FNTB: variants seen among roughly 807,000 people sequenced by gnomAD.
FNTB encodes farnesyltransferase, CAAX box, subunit beta.
A neutral mutation model predicts 59.4 loss-of-function variants in FNTB; 27 were observed. The observed-to-expected ratio is 0.45, with a 90% CI of 0.34 to 0.63. FNTB has a LOEUF of 0.63. Ranked by LOEUF, FNTB falls within the 20% of genes least tolerant of loss-of-function variation. The probability of loss-of-function intolerance (pLI) is 0.02; values close to 1 mark genes in which losing one functional copy is unlikely to be tolerated. For missense variants in FNTB, 449 were observed against 559.6 expected (o/e 0.80, Z 1.99); for synonymous variants, 230 against 220.7 (o/e 1.04, Z -0.37).
intron 11 of FNTB, among the ~76,000 whole-genome samples, chr14:65,058,325 C>A (rs2062788609): frequency 6.9e-6 from 1 of 145,302 alleles, no homozygotes; most frequent in East Asian, 2.0e-4. Context: ...GGAATCTTTT[C>A]TTATTTTCAG....
At chr14:65,061,078 C>A (rs2062856519) in intron 11 of FNTB, 103 bp from the exon 12 acceptor site, 1 of 1,533,426 alleles carries the variant, frequency 6.5e-7, no homozygotes, top group Non-Finnish European at 8.8e-7. Flanking sequence ...ATCTCTGATT[C>A]CTTATACTAA....
At chr14:65,040,498 T>G (rs948216941) in intron 7 of FNTB, among the ~76,000 whole-genome samples, 3 of 151,840 alleles carry the variant, frequency 2.0e-5, no homozygotes, top group African/African-American at 7.3e-5. Flanking sequence ...TGGAGCACAA[T>G]GGTGTGATCA....
chr14:65,035,501 TCTTC>T (rs1472829695), intron 7 of FNTB, among the ~76,000 whole-genome samples: 4 of 152,136 alleles, frequency 2.6e-5, no homozygotes, highest in Non-Finnish European at 5.9e-5. Flanking sequence ...TTTCCTCTTC[TCTTC>T]CTTCTTTCTT....
intron 2 of FNTB, among the ~76,000 whole-genome samples, chr14:65,010,923 T>C (rs890533160): frequency 1.3e-5 from 2 of 152,180 alleles, no homozygotes; most frequent in Admixed American, 1.3e-4. Context: ...TGAATTAAAA[T>C]TGAATTAAAA....
At chr14:65,048,516 A>C (rs763071568) in intron 9 of FNTB, among the ~76,000 whole-genome samples, 1 of 152,172 alleles carries the variant, frequency 6.6e-6, no homozygotes, top group African/African-American at 2.4e-5. Flanking sequence ...ACTACCTTCT[A>C]TGTGTAAATG....
chr14:65,038,649 C>T (rs1388077214), intron 7 of FNTB, among the ~76,000 whole-genome samples: 4 of 152,132 alleles, frequency 2.6e-5, no homozygotes, highest in South Asian at 2.1e-4. Context: ...ACCCAGGAGG[C>T]GGAGGTTGCA....
intron 7 of FNTB, among the ~76,000 whole-genome samples, chr14:65,038,676 C>T (rs2062271768): frequency 6.6e-6 from 1 of 152,146 alleles, no homozygotes. Flanking sequence ...CAAGATTGTG[C>T]CACTGTACTC....
rs950073403 is a variant in FNTB, at chr14:65,011,938, A to G, written c.210-379A>G. ...AGGGAAGTGGCGAGGCTCAGATTTA[A>G]ATTGCTTATAGGATGGGGAGGCACA... On this transcript the variant is annotated intron_variant, in intron 2 of 11. Transcript: ENST00000246166. The surrounding 1 kb of genome is among the most constrained non-coding windows in gnomAD (Gnocchi z 4.0). Among the ~76,000 whole-genome samples the G allele has an allele frequency of 6.6e-6, 1 of 152,124 alleles. No homozygotes were observed. The highest frequency in any genetic ancestry group is 2.4e-5 in the African/African-American group (1 of 41,410).
At chr14:65,053,379 G>A (rs185679172) in intron 10 of FNTB, 30 bp downstream of exon 10, 8 of 1,382,946 alleles carry the variant, frequency 5.8e-6, no homozygotes, top group African/African-American at 3.0e-5. Context: ...GGAGGGAAGG[G>A]AGAGGGGAGG....
rs186840682 is a variant in FNTB at position 65,030,861 on chromosome 14, G to A, written c.606-1749G>A. On this transcript the variant is annotated intron_variant, in intron 6 of 11. Transcript: ENST00000246166. This position sits in a 1 kb window ranked among gnomAD's most constrained non-coding sequence, Gnocchi z 4.5. ...TTCTTTCTGTTGCCCAGGCAGGAGC[G>A]CAGTGGTGGGATCTTGGCTCACTGC... 1.3e-4 allele frequency among the ~76,000 whole-genome samples: 20 copies of A among 152,222 alleles called. No homozygotes were observed. In the East Asian group the frequency reaches 3.3e-3, roughly 25 times the overall value.
In FNTB at chr14:65,015,741, G is replaced by T. The variant is rs535762781; in HGVS notation, c.374+25G>T. 1.9e-6 allele frequency: 3 copies of T among 1,606,666 alleles called. No individual in the cohort carries two copies. The African/African-American group carries it at 4.0e-5, about 21-fold the overall frequency. On this transcript the variant is annotated intron_variant, in intron 4 of 11. Transcript: ENST00000246166. ...AGTGAGTCTGTCTTTGGGAAATCTG[G>T]GGTGTTCTCTGAAATTGTATTTTGA...
chr14:64,996,644 A>G (rs1027014070), intron 1 of FNTB, among the ~76,000 whole-genome samples: 2 of 152,188 alleles, frequency 1.3e-5, no homozygotes, highest in African/African-American at 4.8e-5. Context: ...ATGAGGTATC[A>G]CAAAACTAAG....
chr14:65,032,537 C>A lies in FNTB; in HGVS notation c.606-73C>A. 6.4e-7 allele frequency: 1 copy of A among 1,551,438 alleles called. No homozygotes were observed. Among genetic ancestry groups the A allele is most frequent in the Non-Finnish European group, 8.7e-7 (1 of 1,144,438 alleles). ...AGCTTACTAGGCAAGGCGAGCAGTCCGCCCGCGGAGTTCACTGAGCCTCAT... is the reference window on the plus strand; with the variant it reads ...AGCTTACTAGGCAAGGCGAGCAGTCAGCCCGCGGAGTTCACTGAGCCTCAT... On this transcript the variant is annotated intron_variant, in intron 6 of 11. Transcript: ENST00000246166. This position sits in a 1 kb window ranked among gnomAD's most constrained non-coding sequence, Gnocchi z 5.0.
At chr14:65,000,015 C>T (rs763859566) in intron 1 of FNTB, among the ~76,000 whole-genome samples, 5 of 152,172 alleles carry the variant, frequency 3.3e-5, no homozygotes, top group South Asian at 4.1e-4. Context: ...GCTGCTTTCC[C>T]GCAAGAAAGC....
intron 9 of FNTB, among the ~76,000 whole-genome samples, chr14:65,045,220 C>T (rs2062448869): frequency 6.6e-6 from 1 of 152,034 alleles, no homozygotes; most frequent in African/African-American, 2.4e-5. Flanking sequence ...TCTGAGTAGA[C>T]CTGTGGGAGA....
intron 4 of FNTB, among the ~76,000 whole-genome samples, chr14:65,026,961 T>G (rs1250569158): frequency 6.6e-6 from 1 of 152,072 alleles, no homozygotes; most frequent in African/African-American, 2.4e-5. Context: ...AAGACCTCTA[T>G]TTACATGTTC....
At chr14:65,020,171 A>G (rs1241500890) in intron 4 of FNTB, among the ~76,000 whole-genome samples, 1 of 152,184 alleles carries the variant, frequency 6.6e-6, no homozygotes, top group African/African-American at 2.4e-5. Context: ...CCTCTAGTGG[A>G]CAAAATACTT....
intron 1 of FNTB, among the ~76,000 whole-genome samples, chr14:64,999,386 C>G (rs1189560309): frequency 6.6e-6 from 1 of 152,142 alleles, no homozygotes; most frequent in African/African-American, 2.4e-5. Context: ...TGCAATGAGC[C>G]AAGATCGCAG....
In FNTB at chr14:64,997,723, A is replaced by G. The variant is rs189650468; in HGVS notation, c.145-6526A>G. 1.4e-4 allele frequency among the ~76,000 whole-genome samples: 21 copies of G among 152,374 alleles called. No individual in the cohort carries two copies. Among genetic ancestry groups the G allele is most frequent in the Non-Finnish European group, 1.0e-4 (7 of 68,036 alleles). On this transcript the variant is annotated intron_variant, in intron 1 of 11. Transcript: ENST00000246166. This position sits in a 1 kb window ranked among gnomAD's most constrained non-coding sequence, Gnocchi z 4.5. ...ATGGGGAGGTGACCGGGAAAAGCAC[A>G]GTAAACAAGGATAAGGTTTGTTATG...
Sources: allele counts gnomAD v4.1 joint callset (sites outside exome capture counted in the v4.1 genomes callset), GRCh38; gene constraint gnomAD v4.1.1; non-coding constraint Gnocchi (gnomAD v3.1); transcripts MANE v1.5; gene names NCBI Gene and HGNC (gene_info 2026-07-23, HGNC 2026-07-21).